Variants in KCNQ5 observed in about 807,000 individuals in gnomAD.
KCNQ5 encodes potassium voltage-gated channel subfamily Q member 5.
In KCNQ5, 30 loss-of-function variants were observed where a neutral mutation model predicts 98.2. The ratio of observed to expected loss-of-function variants is 0.31; its 90% CI spans 0.23 to 0.41. KCNQ5 has a LOEUF of 0.41. Ranked by LOEUF, KCNQ5 falls within the 10% of genes least tolerant of loss-of-function variation. The pLI, the probability that KCNQ5 is intolerant of heterozygous loss-of-function variation, is 1.00. For synonymous variants in KCNQ5, 458 were observed against 449.4 expected (o/e 1.02, Z -0.24); for missense variants, 835 against 1,182.5 (o/e 0.71, Z 4.31).
intron 10 of KCNQ5, chr6:73,136,838 T>C (rs1403622731): frequency 1.3e-5 from 2 of 151,964 alleles, no homozygotes; most frequent in Non-Finnish European, 2.9e-5. Context: ...TCTAAAATCA[T>C]CTACTTACTA....
At chr6:72,731,715 C>T (rs575468729) in intron 1 of KCNQ5, among the ~76,000 whole-genome samples, 6 of 152,228 alleles carry the variant, frequency 3.9e-5, no homozygotes, top group Admixed American at 6.5e-5. Flanking sequence ...CACTCTGTCA[C>T]TCATCTCCTC....
intron 11 of KCNQ5, 27 bp from the exon 12 acceptor site, chr6:73,190,546 A>G (rs1765556210): frequency 2.4e-6 from 3 of 1,256,318 alleles, no homozygotes; most frequent in East Asian, 2.6e-5. Flanking sequence ...AGTTATAAAG[A>G]TTAATATGTA....
chr6:72,813,612 G>C (rs1022820011), intron 1 of KCNQ5, among the ~76,000 whole-genome samples: 1 of 97,716 alleles, frequency 1.0e-5, no homozygotes, highest in Non-Finnish European at 2.5e-5. Context: ...GTGTCCAAGA[G>C]GTATTGATTC....
At chr6:72,870,300 GCTCT>G (rs574122174) in intron 1 of KCNQ5, among the ~76,000 whole-genome samples, 1 of 152,006 alleles carries the variant, frequency 6.6e-6, no homozygotes, top group Admixed American at 6.6e-5. Flanking sequence ...TTGGAGACAA[GCTCT>G]CTCTCTGTCA....
intron 10 of KCNQ5, among the ~76,000 whole-genome samples, chr6:73,154,935 C>A (rs1777305790): frequency 6.6e-6 from 1 of 151,940 alleles, no homozygotes; most frequent in Admixed American, 6.5e-5. Context: ...AATAATAAGG[C>A]CAAAATCCCA....
At chr6:72,941,724 C>A (rs1211418100) in intron 1 of KCNQ5, among the ~76,000 whole-genome samples, 1 of 16,718 alleles carries the variant, frequency 6.0e-5, no homozygotes, top group Admixed American at 1.2e-3. Context: ...TTCTTTCTTT[C>A]TTTCTTTCTT....
intron 1 of KCNQ5, among the ~76,000 whole-genome samples, chr6:72,628,692 C>T (rs1424622201): frequency 6.6e-6 from 1 of 152,112 alleles, no homozygotes; most frequent in African/African-American, 2.4e-5. Context: ...TCACTCCAAC[C>T]TCAGCTTCCC....
intron 2 of KCNQ5, among the ~76,000 whole-genome samples, chr6:73,034,590 T>C (rs1771304976): frequency 6.6e-6 from 1 of 152,176 alleles, no homozygotes; most frequent in African/African-American, 2.4e-5. Context: ...GCATTGTGAA[T>C]TTGTACCCAA....
intron 2 of KCNQ5, among the ~76,000 whole-genome samples, chr6:73,028,786 G>T (rs983996252): frequency 4.6e-5 from 7 of 152,124 alleles, no homozygotes; most frequent in African/African-American, 1.2e-4. Context: ...TTGTGTACAG[G>T]ATGCTTTATT....
chr6:72,906,815 T>C (rs993738360), intron 1 of KCNQ5, among the ~76,000 whole-genome samples: 35 of 152,202 alleles, frequency 2.3e-4, no homozygotes, highest in African/African-American at 8.2e-4. Context: ...TCGAGTTTCC[T>C]GATTTATTCC....
Position 72,938,778 on chromosome 6 carries a change from G to A in KCNQ5, c.399-65130G>A, listed in dbSNP as rs187327673. Among the ~76,000 whole-genome samples, 488 of 152,210 alleles carry A rather than the reference G, an allele frequency of 3.2e-3. 4 individuals are homozygous for A. The highest frequency in any genetic ancestry group is 0.01 in the African/African-American group (425 of 41,554). On this transcript the variant is annotated intron_variant, in intron 1 of 13. Coordinates refer to ENST00000370398, the MANE Select transcript of KCNQ5 (RefSeq NM_019842.4). ...AATAAAGCATGGTTCCTACCATCAA[G>A]AAGCTTATAGTCAAATGGGGAAAAC...
In KCNQ5 at chr6:73,042,121, C is replaced by T; in HGVS notation, c.616+59C>T. ...ACACCAACATTCTTGTCTTCTATCTCCTGTTTTGCAATATTTGATTAATAT... is the reference window on the plus strand; with the variant it reads ...ACACCAACATTCTTGTCTTCTATCTTCTGTTTTGCAATATTTGATTAATAT... On this transcript the variant is annotated intron_variant, in intron 3 of 13. Coordinates refer to ENST00000370398, the MANE Select transcript of KCNQ5 (RefSeq NM_019842.4). 3.8e-6 allele frequency: 6 copies of T among 1,590,884 alleles called. No individual in the cohort carries two copies. In the South Asian group the frequency reaches 6.6e-5, roughly 18 times the overall value.
intron 1 of KCNQ5, among the ~76,000 whole-genome samples, chr6:72,656,942 C>T (rs947942615): frequency 3.3e-5 from 5 of 152,188 alleles, no homozygotes; most frequent in Non-Finnish European, 4.4e-5. Flanking sequence ...CATTTTAAAG[C>T]CTAATAAAAT....
intron 1 of KCNQ5, among the ~76,000 whole-genome samples, chr6:72,683,076 C>A (rs761293254): frequency 2.6e-5 from 4 of 152,172 alleles, no homozygotes; most frequent in Non-Finnish European, 4.4e-5. Context: ...TGGAAGATGG[C>A]GTCCTTACTG....
chr6:72,939,087 G>A (rs1437899423), intron 1 of KCNQ5, among the ~76,000 whole-genome samples: 1 of 152,172 alleles, frequency 6.6e-6, no homozygotes, highest in Non-Finnish European at 1.5e-5. Context: ...GCCTTGTCTG[G>A]AAATGTTGCC....
At chr6:72,900,386 C>A (rs1027267019) in intron 1 of KCNQ5, among the ~76,000 whole-genome samples, 1 of 145,328 alleles carries the variant, frequency 6.9e-6, no homozygotes, top group African/African-American at 2.5e-5. Context: ...TAAAAAGAAA[C>A]TGTGGTATAT....
intron 7 of KCNQ5, among the ~76,000 whole-genome samples, chr6:73,119,528 G>T (rs760746013): frequency 1.3e-5 from 2 of 152,176 alleles, no homozygotes; most frequent in Admixed American, 6.5e-5. Flanking sequence ...GCATAAATCC[G>T]TAGGTGTTTT....
chr6:72,956,583 T>G (rs1450905240), intron 1 of KCNQ5, among the ~76,000 whole-genome samples: 1 of 151,292 alleles, frequency 6.6e-6, no homozygotes, highest in Non-Finnish European at 1.5e-5. Context: ...ATTTTTTATT[T>G]TTGGTAGAAA....
At chr6:72,641,031 A>T (rs1273843111) in intron 1 of KCNQ5, among the ~76,000 whole-genome samples, 4 of 152,206 alleles carry the variant, frequency 2.6e-5, no homozygotes, top group Non-Finnish European at 5.9e-5. Flanking sequence ...GGCAAAAGAT[A>T]GTAATTTCCA....
Sources: allele counts gnomAD v4.1 joint callset (sites outside exome capture counted in the v4.1 genomes callset), GRCh38; gene constraint gnomAD v4.1.1; transcripts MANE v1.5; gene names NCBI Gene and HGNC (gene_info 2026-07-23, HGNC 2026-07-21).